Variants in SGCZ observed in about 807,000 individuals in gnomAD.
The protein encoded by SGCZ is zeta-sarcoglycan.
In SGCZ, 40 loss-of-function variants were observed where a neutral mutation model predicts 41.3. The ratio of observed to expected loss-of-function variants is 0.97; its 90% CI spans 0.75 to 1.26. The LOEUF is 1.26. Ranked by LOEUF, SGCZ falls within the 50% of genes most tolerant of loss-of-function variation. SGCZ has a pLI of 0.00. For synonymous variants in SGCZ, 206 were observed against 137.5 expected (o/e 1.50, Z -3.49); for missense variants, 552 against 369.8 (o/e 1.49, Z -4.04).
chr8:14,820,804 C>T (rs1802052868), intron 1 of SGCZ, among the ~76,000 whole-genome samples: 4 of 149,348 alleles, frequency 2.7e-5, no homozygotes, highest in African/African-American at 9.9e-5. Context: ...AAAAGGGAAA[C>T]AACAAAACCT....
chr8:14,883,863 T>C (rs1396082200), intron 1 of SGCZ, among the ~76,000 whole-genome samples: 1 of 149,754 alleles, frequency 6.7e-6, no homozygotes, highest in Non-Finnish European at 1.5e-5. Flanking sequence ...CCTTCAAATA[T>C]CATAAGCCTT....
At chr8:14,597,675 C>A (rs1805458050) in intron 1 of SGCZ, among the ~76,000 whole-genome samples, 1 of 152,092 alleles carries the variant, frequency 6.6e-6, no homozygotes, top group Admixed American at 6.6e-5. Flanking sequence ...TGGGGTTTTA[C>A]CATGTTGGCC....
intron 3 of SGCZ, among the ~76,000 whole-genome samples, chr8:14,250,252 T>C (rs920519207): frequency 3.3e-5 from 5 of 152,146 alleles, no homozygotes; most frequent in Non-Finnish European, 4.4e-5. Context: ...AAGTAGAACA[T>C]TGCAATTGTT....
At chr8:14,111,078 C>T (rs896199560) in intron 5 of SGCZ, among the ~76,000 whole-genome samples, 1 of 120,402 alleles carries the variant, frequency 8.3e-6, no homozygotes, top group Non-Finnish European at 1.7e-5. Flanking sequence ...ACAACAACAA[C>T]AAACTTTAAA....
At chr8:14,915,146 C>T (rs1799394287) in intron 1 of SGCZ, among the ~76,000 whole-genome samples, 2 of 151,892 alleles carry the variant, frequency 1.3e-5, no homozygotes, top group African/African-American at 2.4e-5. Flanking sequence ...GATATCTTCC[C>T]GTTTTAAATA....
intron 1 of SGCZ, among the ~76,000 whole-genome samples, chr8:14,759,916 C>T (rs1269069448): frequency 1.3e-5 from 2 of 152,186 alleles, no homozygotes; most frequent in African/African-American, 2.4e-5. Context: ...ATTACTAAAA[C>T]TTGGCTCTGG....
At chr8:14,353,206 A>T (rs1803164764) in intron 2 of SGCZ, among the ~76,000 whole-genome samples, 1 of 152,120 alleles carries the variant, frequency 6.6e-6, no homozygotes, top group Admixed American at 6.6e-5. Flanking sequence ...TGGGAAGATT[A>T]TGAGTATTAT....
chr8:14,334,823 A>C (rs1462456574), intron 2 of SGCZ, among the ~76,000 whole-genome samples: 5 of 152,152 alleles, frequency 3.3e-5, no homozygotes, highest in African/African-American at 1.2e-4. Context: ...GGAAATAAAA[A>C]GTTCACTTTT....
intron 1 of SGCZ, among the ~76,000 whole-genome samples, chr8:15,186,262 C>CAAAAAAAAAAAAAA (rs61237091): frequency 5.7e-4 from 46 of 80,714 alleles, no homozygotes; most frequent in Admixed American, 1.9e-3. Flanking sequence ...GATTCCGTAC[C>CAAAAAAAAAAAAAA]AAAAAAAAAA....
At chr8:14,521,488 A>T (rs968555748) in intron 2 of SGCZ, among the ~76,000 whole-genome samples, 1 of 152,132 alleles carries the variant, frequency 6.6e-6, no homozygotes, top group South Asian at 2.1e-4. Flanking sequence ...AAAATAGTTC[A>T]TTCCCTTTTA....
At chr8:14,492,271 A>T (rs1801862919) in intron 2 of SGCZ, among the ~76,000 whole-genome samples, 1 of 152,230 alleles carries the variant, frequency 6.6e-6, no homozygotes, top group African/African-American at 2.4e-5. Flanking sequence ...TAATCTGATT[A>T]AATGAATTGG....
intron 1 of SGCZ, among the ~76,000 whole-genome samples, chr8:14,621,704 T>G (rs919970884): frequency 1.3e-5 from 2 of 148,566 alleles, no homozygotes; most frequent in Non-Finnish European, 3.0e-5. Context: ...CACCAGCAGA[T>G]CTCTTAAACA....
rs763459149 is a variant in SGCZ, at chr8:15,192,800, T to G, written c.39+44785A>C. 7.9e-5 allele frequency among the ~76,000 whole-genome samples: 12 copies of G among 152,130 alleles called. 1 individual carries two copies. The highest frequency in any genetic ancestry group is 1.2e-4 in the Non-Finnish European group (8 of 68,008). On this transcript the variant is annotated intron_variant, in intron 1 of 7. Coordinates refer to ENST00000382080, the MANE Select transcript of SGCZ (RefSeq NM_139167.4). ...TTGAGCTGCTTTGAGAAAATTCTGT[T>G]GAGTTGTGCATTCTTGTGGTTTCTC...
chr8:14,831,877 T>C (rs1431408014), intron 1 of SGCZ, among the ~76,000 whole-genome samples: 2 of 101,778 alleles, frequency 2.0e-5, no homozygotes, highest in Non-Finnish European at 4.2e-5. Context: ...TGTGTATATG[T>C]ATATACTTGT....
At chr8:14,997,743 T>A (rs1023605090) in intron 1 of SGCZ, among the ~76,000 whole-genome samples, 4 of 152,068 alleles carry the variant, frequency 2.6e-5, no homozygotes, top group African/African-American at 9.7e-5. Context: ...GCGGACCACT[T>A]GAGGTCAGGA....
At chr8:15,081,615 A>G (rs1018163512) in intron 1 of SGCZ, among the ~76,000 whole-genome samples, 1 of 152,194 alleles carries the variant, frequency 6.6e-6, no homozygotes, top group Non-Finnish European at 1.5e-5. Context: ...GGGGAAGAAT[A>G]AACAAGTTTG....
At chr8:14,829,500 AG>A (rs1408286377) in intron 1 of SGCZ, among the ~76,000 whole-genome samples, 1 of 152,198 alleles carries the variant, frequency 6.6e-6, no homozygotes, top group Non-Finnish European at 1.5e-5. Context: ...GAACATCAAT[AG>A]GAAAGTAAGT....
intron 1 of SGCZ, among the ~76,000 whole-genome samples, chr8:14,798,665 A>G (rs550894576): frequency 2.2e-4 from 33 of 152,266 alleles, no homozygotes; most frequent in African/African-American, 7.7e-4. Context: ...ATTTTAAAAT[A>G]CTTACATATT....
At chr8:14,606,274 CA>C (rs1278762357) in intron 1 of SGCZ, among the ~76,000 whole-genome samples, 1 of 151,984 alleles carries the variant, frequency 6.6e-6, no homozygotes, top group Non-Finnish European at 1.5e-5. Flanking sequence ...ATGATTATGC[CA>C]CTTTCTTGCT....
Sources: gnomAD v4.1 joint callset for allele counts (sites outside exome capture counted in the v4.1 genomes callset) on GRCh38, gnomAD v4.1.1 for gene constraint, MANE v1.5 for transcripts, NCBI Gene and HGNC (gene_info 2026-07-23, HGNC 2026-07-21) for gene names.